COP1: variants seen among roughly 807,000 people sequenced by gnomAD.
The protein encoded by COP1 is COP1 E3 ubiquitin ligase.
A neutral mutation model predicts 101.3 loss-of-function variants in COP1; 24 were observed. The observed-to-expected ratio is 0.24, with a 90% CI of 0.17 to 0.33. The LOEUF is 0.33. Among genes scored for constraint, COP1 ranks in the 10% least tolerant of loss-of-function variants. COP1 has a pLI of 1.00. For synonymous variants in COP1, 347 were observed against 341.9 expected (o/e 1.01, Z -0.17); for missense variants, 663 against 906.2 (o/e 0.73, Z 3.45).
intron 3 of COP1, among the ~76,000 whole-genome samples, chr1:176,166,140 T>G (rs530787448): frequency 6.6e-6 from 1 of 152,248 alleles, no homozygotes; most frequent in East Asian, 1.9e-4. Context: ...ATTTATTTAT[T>G]TATTGAGACA....
chr1:176,196,699 C>A lies in COP1; in HGVS notation c.407+9873G>T, dbSNP rs554643975. Among the ~76,000 whole-genome samples the A allele has an allele frequency of 2.0e-5, 3 of 152,168 alleles. No homozygotes were observed. The South Asian group carries it at 6.2e-4, about 32-fold the overall frequency. Reference sequence around the variant, plus strand: ...CTTAAGGAAAAACACCAATTTCATACAAACTCTTTCAGAAAATAGAAGGGG... The same window carrying A: ...CTTAAGGAAAAACACCAATTTCATAAAAACTCTTTCAGAAAATAGAAGGGG... On this transcript the variant is annotated intron_variant, in intron 1 of 19. Transcript: ENST00000367669.
intron 18 of COP1, among the ~76,000 whole-genome samples, chr1:175,961,975 C>G (rs1025470791): frequency 6.6e-6 from 1 of 151,442 alleles, no homozygotes; most frequent in Non-Finnish European, 1.5e-5. Context: ...TATTAGTTAA[C>G]GAGATGAAAA....
chr1:175,949,622 C>A (rs1649624929), intron 18 of COP1, among the ~76,000 whole-genome samples: 1 of 152,168 alleles, frequency 6.6e-6, no homozygotes, highest in Non-Finnish European at 1.5e-5. Context: ...AACCTAGTTG[C>A]CATTCAAGGA....
At chr1:175,998,934 A>G (rs570642852) in intron 15 of COP1, among the ~76,000 whole-genome samples, 2 of 152,022 alleles carry the variant, frequency 1.3e-5, no homozygotes, top group African/African-American at 2.4e-5. Context: ...ACTCAATTCC[A>G]CTCATGTTAA....
intron 9 of COP1, among the ~76,000 whole-genome samples, chr1:176,095,996 T>C (rs1271144354): frequency 6.6e-6 from 1 of 152,232 alleles, no homozygotes; most frequent in East Asian, 1.9e-4. Context: ...AAGTATGCAC[T>C]GTACTTTATC....
rs1689742580 is a variant in COP1 at position 176,136,103 on chromosome 1, A to G, written c.891+385T>C. ...CCCAGAATATTGGTAATGTATTCTT[A>G]TATTTCTCTTTTAATTAACCTTAAC... On this transcript the variant is annotated intron_variant, in intron 7 of 19. Transcript: ENST00000367669. 2.6e-5 allele frequency among the ~76,000 whole-genome samples: 4 copies of G among 152,056 alleles called. No individual in the cohort carries two copies. The South Asian group carries it at 6.2e-4, about 24-fold the overall frequency.
chr1:176,006,834 T>C, intron 15 of COP1, among the ~76,000 whole-genome samples: 1 of 152,010 alleles, frequency 6.6e-6, no homozygotes, highest in Non-Finnish European at 1.5e-5. Flanking sequence ...GTCTTGGAGT[T>C]GCTCTTCTCG....
chr1:176,108,224 A>G (rs1684666405), intron 9 of COP1, among the ~76,000 whole-genome samples: 1 of 152,220 alleles, frequency 6.6e-6, no homozygotes, highest in Admixed American at 6.5e-5. Flanking sequence ...ATATAACTCT[A>G]TAAAGTTCAT....
intron 2 of COP1, among the ~76,000 whole-genome samples, chr1:176,183,512 A>C (rs1173370485): frequency 3.9e-5 from 6 of 152,176 alleles, no homozygotes; most frequent in Non-Finnish European, 7.4e-5. Flanking sequence ...TGAGAACATA[A>C]AATAGTGCAG....
intron 1 of COP1, among the ~76,000 whole-genome samples, chr1:176,185,645 T>C (rs564989365): frequency 8.0e-4 from 122 of 152,316 alleles, no homozygotes; most frequent in African/African-American, 2.9e-3. Context: ...TCTGATGCAG[T>C]GTTCAGAGAT....
chr1:175,964,216 C>T (rs1003887998), intron 18 of COP1, among the ~76,000 whole-genome samples: 2 of 152,126 alleles, frequency 1.3e-5, no homozygotes, highest in African/African-American at 4.8e-5. Context: ...GGCTCCAGCA[C>T]TCTCAATCAG....
intron 11 of COP1, among the ~76,000 whole-genome samples, chr1:176,074,609 G>A (rs1454418573): frequency 6.6e-6 from 1 of 151,954 alleles, no homozygotes; most frequent in Non-Finnish European, 1.5e-5. Context: ...CTAAGATCTT[G>A]TTTAGGTCTT....
chr1:175,989,081 T>C, intron 16 of COP1: 1 of 250,312 alleles, frequency 4.0e-6, no homozygotes, highest in East Asian at 7.2e-5. Flanking sequence ...TAATCTGAAG[T>C]TCAAATGCAA....
At chr1:176,069,105 A>G (rs1676520635) in intron 11 of COP1, among the ~76,000 whole-genome samples, 1 of 152,034 alleles carries the variant, frequency 6.6e-6, no homozygotes. Context: ...GGATCACTTG[A>G]GCCTAGGAGG....
chr1:176,045,459 C>G (rs538819241), intron 12 of COP1, among the ~76,000 whole-genome samples: 79 of 151,422 alleles, frequency 5.2e-4, no homozygotes, highest in Admixed American at 7.9e-4. Flanking sequence ...AAAAAAGGTT[C>G]AAGGATGGCT....
At chr1:176,160,557 C>G (rs1201463545) in intron 5 of COP1, among the ~76,000 whole-genome samples, 2 of 151,712 alleles carry the variant, frequency 1.3e-5, no homozygotes, top group African/African-American at 4.8e-5. Context: ...CTACAAGGAA[C>G]TTTGAACAAA....
At chr1:176,040,758 A>T (rs1444254293) in intron 14 of COP1, among the ~76,000 whole-genome samples, 1 of 152,276 alleles carries the variant, frequency 6.6e-6, no homozygotes, top group East Asian at 1.9e-4. Flanking sequence ...CCATTATTTC[A>T]TTTCTTTTAT....
chr1:176,071,842 C>T (rs765024908), intron 11 of COP1, among the ~76,000 whole-genome samples: 1 of 152,142 alleles, frequency 6.6e-6, no homozygotes, highest in Non-Finnish European at 1.5e-5. Flanking sequence ...CTAATTAATG[C>T]TTGTTTTGTG....
intron 5 of COP1, chr1:176,160,205 T>C (rs1694086210): frequency 2.8e-6 from 1 of 353,466 alleles, no homozygotes; most frequent in Non-Finnish European, 5.5e-6. Context: ...TTACCAGTTC[T>C]CACTTTCACT....
Sources: gnomAD v4.1 joint callset for allele counts (sites outside exome capture counted in the v4.1 genomes callset) on GRCh38, gnomAD v4.1.1 for gene constraint, MANE v1.5 for transcripts, NCBI Gene and HGNC (gene_info 2026-07-23, HGNC 2026-07-21) for gene names.